Variants in ADAM32 observed in about 807,000 individuals in gnomAD.
ADAM32 encodes the protein ADAM metallopeptidase domain 32.
In ADAM32, 89 loss-of-function variants were observed where a neutral mutation model predicts 114.9. The observed-to-expected ratio is 0.77, with a 90% CI of 0.65 to 0.92. The LOEUF is 0.92. ADAM32 is among the 40% of genes least tolerant of loss of function. ADAM32 has a pLI of 0.00. For missense variants in ADAM32, 870 were observed against 932.8 expected (o/e 0.93, Z 0.88); for synonymous variants, 285 against 307.5 (o/e 0.93, Z 0.77).
At chr8:39,281,647 G>T (rs1813424854) in intron 23 of ADAM32, among the ~76,000 whole-genome samples, 1 of 152,152 alleles carries the variant, frequency 6.6e-6, no homozygotes, top group Non-Finnish European at 1.5e-5. Flanking sequence ...ATTTCCCACA[G>T]ATCCTCAATG....
intron 6 of ADAM32, chr8:39,157,844 G>T (rs1804235721): frequency 2.9e-6 from 2 of 678,962 alleles, no homozygotes; most frequent in Non-Finnish European, 5.0e-6. Context: ...TGATCAATTT[G>T]CCATCCTTGA....
intron 11 of ADAM32, among the ~76,000 whole-genome samples, chr8:39,187,276 T>C (rs1336024334): frequency 1.4e-5 from 2 of 141,612 alleles, no homozygotes; most frequent in African/African-American, 5.0e-5. Context: ...AAGCACTTAG[T>C]ATGGATTTTT....
At chr8:39,230,836 GA>G in intron 14 of ADAM32, among the ~76,000 whole-genome samples, 1 of 152,150 alleles carries the variant, frequency 6.6e-6, no homozygotes, top group South Asian at 2.1e-4. Context: ...TGGGAATTAA[GA>G]GTGACTAAAT....
chr8:39,229,477 A>G (rs1235657605), intron 14 of ADAM32, among the ~76,000 whole-genome samples: 2 of 152,208 alleles, frequency 1.3e-5, no homozygotes, highest in African/African-American at 4.8e-5. Context: ...AAGAACTCAT[A>G]TACACTTAAA....
chr8:39,205,370 C>G (rs1807754891), intron 11 of ADAM32, among the ~76,000 whole-genome samples: 1 of 152,252 alleles, frequency 6.6e-6, no homozygotes, highest in African/African-American at 2.4e-5. Flanking sequence ...GCAGTTCCAT[C>G]TCAGACTGCT....
At chr8:39,184,034 C>T (rs1345164060) in intron 10 of ADAM32, among the ~76,000 whole-genome samples, 1 of 152,218 alleles carries the variant, frequency 6.6e-6, no homozygotes, top group Non-Finnish European at 1.5e-5. Flanking sequence ...GGGCATAGTG[C>T]TATGGTGGAG....
chr8:39,136,557 A>C (rs1802816411), intron 2 of ADAM32, 100 bp from the exon 3 acceptor site: 1 of 687,130 alleles, frequency 1.5e-6, no homozygotes, highest in African/African-American at 1.9e-5. Context: ...TGTAATGAAG[A>C]TGTTTTAAGC....
At chr8:39,170,473 A>ATAT (rs1369611338) in intron 10 of ADAM32, among the ~76,000 whole-genome samples, 1 of 152,082 alleles carries the variant, frequency 6.6e-6, no homozygotes, top group African/African-American at 2.4e-5. Context: ...GATTTTATAT[A>ATAT]TATAATGGGT....
chr8:39,259,191 C>T (rs922855236), intron 19 of ADAM32, among the ~76,000 whole-genome samples: 10 of 146,716 alleles, frequency 6.8e-5, no homozygotes, highest in Admixed American at 4.8e-4. Context: ...CATCTATTTT[C>T]TTGGTTTCAT....
chr8:39,120,562 G>T (rs2129444413), intron 2 of ADAM32, among the ~76,000 whole-genome samples: 1 of 152,160 alleles, frequency 6.6e-6, no homozygotes, highest in African/African-American at 2.4e-5. Context: ...AGGAGTTCAA[G>T]ACCAACCTGG....
At chr8:39,229,773 A>T (rs1809616973) in intron 14 of ADAM32, among the ~76,000 whole-genome samples, 1 of 152,188 alleles carries the variant, frequency 6.6e-6, no homozygotes, top group South Asian at 2.1e-4. Flanking sequence ...GACTCCACTC[A>T]CAGCACCAGA....
At chr8:39,189,484 A>G (rs150387346) in intron 11 of ADAM32, among the ~76,000 whole-genome samples, 2 of 152,220 alleles carry the variant, frequency 1.3e-5, no homozygotes, top group East Asian at 3.9e-4. Context: ...AAAAAATTCT[A>G]TTGATATATA....
At chr8:39,278,525 A>G (rs1214203853) in intron 22 of ADAM32, among the ~76,000 whole-genome samples, 1 of 152,140 alleles carries the variant, frequency 6.6e-6, no homozygotes, top group Non-Finnish European at 1.5e-5. Context: ...TTCCTAAGCA[A>G]CAGAAGAATC....
chr8:39,281,244 C>A, intron 23 of ADAM32, 70 bp downstream of exon 23: 5 of 944,280 alleles, frequency 5.3e-6, no homozygotes, highest in South Asian at 2.8e-5. Context: ...GTTGATAATT[C>A]ACAAATAATT....
chr8:39,229,103 G>T (rs542912926), intron 14 of ADAM32, among the ~76,000 whole-genome samples: 1 of 152,254 alleles, frequency 6.6e-6, no homozygotes, highest in African/African-American at 2.4e-5. Context: ...GTGAAGGAAA[G>T]ATACAGTCTT....
chr8:39,242,178 T>G (rs1216686962), intron 16 of ADAM32, among the ~76,000 whole-genome samples: 1 of 152,224 alleles, frequency 6.6e-6, no homozygotes, highest in Non-Finnish European at 1.5e-5. Flanking sequence ...CAGCCTGGAT[T>G]GTGTTGTTCA....
rs1306179812 is a variant in ADAM32 at position 39,222,979 on chromosome 8, A to G, written c.1327-61A>G. ...AATGATTAACACAATTTTGAAGTAA[A>G]TATTAACAAACAGTAATCCTATTTG... On this transcript the variant is annotated intron_variant, in intron 13 of 24. Transcript: ENST00000379907. 39 of 1,379,826 alleles carry G rather than the reference A, an allele frequency of 2.8e-5. 1 individual carries two copies. The Admixed American group carries it at 1.1e-3, about 37-fold the overall frequency. The allele number at this position is 1,379,826 out of a possible 1,614,324, so 85.5% of individuals were successfully genotyped here. A position where few individuals can be genotyped will look rare whatever the true frequency, so the allele number is the denominator to read the frequency against.
intron 11 of ADAM32, 137 bp from the exon 12 acceptor site, chr8:39,211,007 T>A (rs1380735359): frequency 1.5e-6 from 1 of 650,270 alleles, no homozygotes; most frequent in Non-Finnish European, 2.3e-6. Context: ...TCCTCAAGTA[T>A]GATTTTGGCC....
At chr8:39,234,205 G>T in intron 16 of ADAM32, 123 bp downstream of exon 16, 1 of 756,264 alleles carries the variant, frequency 1.3e-6, no homozygotes, top group Non-Finnish European at 1.8e-6. Flanking sequence ...GAGGCAAAAT[G>T]AATGATCTTA....
Sources: gnomAD v4.1 joint callset for allele counts (sites outside exome capture counted in the v4.1 genomes callset) on GRCh38, gnomAD v4.1.1 for gene constraint, MANE v1.5 for transcripts, NCBI Gene and HGNC (gene_info 2026-07-23, HGNC 2026-07-21) for gene names.